The following PRAME variants were observed in gnomAD, a reference collection of about 807,000 sequenced individuals.
The protein encoded by PRAME is melanoma antigen preferentially expressed in tumors.
Under a neutral mutation model 32.1 loss-of-function variants are expected in PRAME, and 21 were observed. The observed-to-expected ratio is 0.65, with a 90% confidence interval of 0.46 to 0.94. The LOEUF (loss-of-function observed/expected upper bound fraction) is 0.94, where lower values mean the gene tolerates loss of function less well. PRAME is among the 40% of genes least tolerant of loss of function. The pLI, the probability that PRAME is intolerant of heterozygous loss-of-function variation, is 0.00. For synonymous variants in PRAME, 274 were observed against 251.5 expected (o/e 1.09, Z -0.85); for missense variants, 651 against 622.3 (o/e 1.05, Z -0.49).
In PRAME at chr22:22,548,193, C is replaced by T; in HGVS notation, c.1404G>A (p.Arg468=). ...ERLAYLHARL[R]ELLCELGRPS... ...GCCGCCCCAACTCACACAGCAACTC[C>T]CTGAGCCTGGCATGCAGATAGGCAA... The change falls in exon 6 of 6, where the codon AGG becomes AGA. Residue 468 remains arginine (R), a synonymous_variant. Transcript: ENST00000405655. 6.2e-7 allele frequency: 1 copy of T among 1,613,838 alleles called. No homozygotes were observed. The highest frequency in any genetic ancestry group is 8.5e-7 in the Non-Finnish European group (1 of 1,179,958).
Position 22,548,022 on chromosome 22 carries a change from T to C in PRAME, c.*45A>G. 1 of 1,543,260 alleles carries C rather than the reference T, an allele frequency of 6.5e-7. No homozygotes were observed. Among genetic ancestry groups the C allele is most frequent in the East Asian group, 2.3e-5 (1 of 44,070 alleles). On this transcript the variant is annotated 3_prime_UTR_variant, in exon 6 of 6. Transcript: ENST00000405655. Reference sequence around the variant, plus strand: ...TCAAGATGCATGCACATCCTGGCTTTAGTGTCCAAGTATGCAGAATGAAGC... The same window carrying C: ...TCAAGATGCATGCACATCCTGGCTTCAGTGTCCAAGTATGCAGAATGAAGC...
intron 2 of PRAME, chr22:22,557,115 A>AC: frequency 1.9e-6 from 1 of 526,896 alleles, no homozygotes; most frequent in South Asian, 2.1e-5. Context: ...GGAACAACAG[A>AC]CCATGTGGTT....
chr22:22,557,387 G>T, intron 2 of PRAME, 158 bp downstream of exon 2: 1 of 159,658 alleles, frequency 6.3e-6, no homozygotes, highest in Admixed American at 5.9e-5. Context: ...AATTTTCCGG[G>T]GCAGGCGGCC....
At position 22,556,027 on chromosome 22, in the gene PRAME, CTT is replaced by C. The variant is rs547006451; in HGVS notation, c.21+783_21+784del. On this transcript the variant is annotated intron_variant, in intron 3 of 5. Coordinates refer to ENST00000405655, the MANE Select transcript of PRAME (RefSeq NM_206956.3). ...TTTTTTTTGGAGGAGGAGTTTCACT[CTT>C]GTTGCCCAGGCTAGAGTGCACTGGC... The C allele has an allele frequency of 1.7e-3, 691 of 396,150 alleles. 4 individuals are homozygous for C. The highest frequency in any genetic ancestry group is 0.013 in the African/African-American group (625 of 46,852). 24.5% of individuals were successfully genotyped at this position (396,150 alleles called of 1,614,324 possible). A position where few individuals can be genotyped will look rare whatever the true frequency, so the allele number is the denominator to read the frequency against.
intron 3 of PRAME, among the ~76,000 whole-genome samples, chr22:22,553,477 A>G (rs185174510): frequency 1.3e-5 from 2 of 151,898 alleles, no homozygotes; most frequent in Admixed American, 6.6e-5. Flanking sequence ...TTTGGCCTGG[A>G]TGGAGTAGAG....
Position 22,548,006 on chromosome 22 carries a change from A to G in PRAME, c.*61T>C, listed in dbSNP as rs543477385. 5 of 1,500,762 alleles carry G rather than the reference A, an allele frequency of 3.3e-6. No homozygotes were observed. In the South Asian group the frequency reaches 3.9e-5, roughly 12 times the overall value. The allele number at this position is 1,500,762 out of a possible 1,614,324, so 93.0% of individuals were successfully genotyped here. A position where few individuals can be genotyped will look rare whatever the true frequency, so the allele number is the denominator to read the frequency against. On this transcript the variant is annotated 3_prime_UTR_variant, in exon 6 of 6. Coordinates refer to ENST00000405655, the MANE Select transcript of PRAME (RefSeq NM_206956.3). ...TGGCTGCTTTGTTGCTTCAAGATGCATGCACATCCTGGCTTTAGTGTCCAA... is the reference window on the plus strand; with the variant it reads ...TGGCTGCTTTGTTGCTTCAAGATGCGTGCACATCCTGGCTTTAGTGTCCAA...
rs760585165 is a variant in PRAME at position 22,556,878 on chromosome 22, T to A, written c.-46A>T. The A allele has an allele frequency of 6.2e-7, 1 of 1,612,030 alleles. No homozygotes were observed. Among genetic ancestry groups the A allele is most frequent in the Non-Finnish European group, 8.5e-7 (1 of 1,179,246 alleles). On this transcript the variant is annotated 5_prime_UTR_variant, in exon 3 of 6. Coordinates refer to ENST00000405655, the MANE Select transcript of PRAME (RefSeq NM_206956.3). ...CCTCAGGACCTCCAACGCTTGGATT[T>A]CTAGGTCTCAGTCACTTGTTGCCAC...
At position 22,548,073 on chromosome 22, in the gene PRAME, A is replaced by G. The variant is rs766294188; in HGVS notation, c.1524T>C (p.Pro508=). ...PEPILCPCFM[P]N ...ATTTGATATGTGCACCCAGCTAATT[A>G]GGCATGAAACAGGGGCACAGGATGG... The change falls in exon 6 of 6, where the codon CCT becomes CCC. Residue 508 remains proline, a synonymous_variant. Coordinates refer to ENST00000405655, the MANE Select transcript of PRAME (RefSeq NM_206956.3). The G allele has an allele frequency of 1.2e-6, 2 of 1,607,718 alleles. No homozygotes were observed. The highest frequency in any genetic ancestry group is 4.5e-5 in the East Asian group (2 of 44,700).
intron 3 of PRAME, among the ~76,000 whole-genome samples, chr22:22,554,505 T>G (rs566998121): frequency 4.6e-5 from 7 of 152,074 alleles, no homozygotes; most frequent in Non-Finnish European, 8.8e-5. Flanking sequence ...TGCGGGAGAC[T>G]GAGATTAGTA....
intron 5 of PRAME, 30 bp downstream of exon 5, chr22:22,549,696 G>A: frequency 6.4e-7 from 1 of 1,560,758 alleles, no homozygotes; most frequent in African/African-American, 1.4e-5. Flanking sequence ...GGCTTGCTCT[G>A]GTCTGCAGAG....
intron 4 of PRAME, 29 bp from the exon 5 acceptor site, chr22:22,550,363 G>A (rs771504774): frequency 1.2e-5 from 20 of 1,600,900 alleles, no homozygotes; most frequent in Non-Finnish European, 1.6e-5. Context: ...AATTAGCTGA[G>A]ATGATGCTTT....
chr22:22,556,875 AT>A lies in PRAME; in HGVS notation c.-44del. On this transcript the variant is annotated 5_prime_UTR_variant, in exon 3 of 6. Coordinates refer to ENST00000405655, the MANE Select transcript of PRAME (RefSeq NM_206956.3). ...TGGCCTCAGGACCTCCAACGCTTGG[AT>A]TTCTAGGTCTCAGTCACTTGTTGCC... is the stretch of plus-strand genomic sequence containing the variant. 1 of 1,612,292 alleles carries A rather than the reference AT, an allele frequency of 6.2e-7. No homozygotes were observed. The highest frequency in any genetic ancestry group is 8.5e-7 in the Non-Finnish European group (1 of 1,179,498).
chr22:22,550,419 A>T (rs1481215128), intron 4 of PRAME, 85 bp from the exon 5 acceptor site: 1 of 1,486,794 alleles, frequency 6.7e-7, no homozygotes, highest in Non-Finnish European at 9.0e-7. Context: ...TGTAGGTAAG[A>T]ACCAAACAGA....
intron 3 of PRAME, among the ~76,000 whole-genome samples, chr22:22,551,996 T>G (rs183936224): frequency 2.0e-5 from 3 of 151,110 alleles, no homozygotes; most frequent in African/African-American, 7.3e-5. Flanking sequence ...TGAAAAAGCC[T>G]CCACCCTCCA....
chr22:22,556,723 G>A, intron 3 of PRAME, 89 bp downstream of exon 3: 1 of 1,495,208 alleles, frequency 6.7e-7, no homozygotes, highest in Non-Finnish European at 9.3e-7. Context: ...AGGGACCTCA[G>A]GATGCAGCTC....
At chr22:22,553,977 C>T in intron 3 of PRAME, 9 of 985,208 alleles carry the variant, frequency 9.1e-6, no homozygotes, top group Non-Finnish European at 1.1e-5. Context: ...GCTGTTCTTT[C>T]TTGCCCCTAA....
chr22:22,558,660 G>A (rs1374942630), intron 1 of PRAME, among the ~76,000 whole-genome samples: 2 of 137,606 alleles, frequency 1.5e-5, no homozygotes, highest in Non-Finnish European at 3.2e-5. Context: ...AGGGGGTGCG[G>A]TGGGCGAATG....
intron 3 of PRAME, among the ~76,000 whole-genome samples, chr22:22,551,917 T>C (rs1264469645): frequency 2.0e-5 from 3 of 151,762 alleles, no homozygotes; most frequent in African/African-American, 7.3e-5. Flanking sequence ...ACTTGAAATA[T>C]ACTCTTAGCA....
chr22:22,550,369 G>A, intron 4 of PRAME, 35 bp from the exon 5 acceptor site: 1 of 1,595,206 alleles, frequency 6.3e-7, no homozygotes, highest in Non-Finnish European at 8.5e-7. Flanking sequence ...CTGAGATGAT[G>A]CTTTAAGATC....
Sources: allele counts gnomAD v4.1 joint callset (sites outside exome capture counted in the v4.1 genomes callset), GRCh38; gene constraint gnomAD v4.1.1; transcripts MANE v1.5; gene names NCBI Gene and HGNC (gene_info 2026-07-23, HGNC 2026-07-21).